The following PTPRR variants were observed in gnomAD, a reference collection of about 807,000 sequenced individuals.
PTPRR encodes the protein receptor-type tyrosine-protein phosphatase R.
PTPRR carries 38 observed loss-of-function variants against 77.2 expected under a neutral mutation model. That is an observed-to-expected ratio of 0.49 (90% CI 0.38 to 0.65). The LOEUF (loss-of-function observed/expected upper bound fraction) is 0.65. Among genes scored for constraint, PTPRR ranks in the 30% least tolerant of loss-of-function variants. The pLI is 0.00. For missense variants in PTPRR, 744 were observed against 799.2 expected (o/e 0.93, Z 0.83); for synonymous variants, 299 against 283.1 (o/e 1.06, Z -0.57).
At chr12:70,853,842 G>C (rs1017478354) in intron 2 of PTPRR, among the ~76,000 whole-genome samples, 1 of 152,200 alleles carries the variant, frequency 6.6e-6, no homozygotes, top group South Asian at 2.1e-4. Flanking sequence ...AGATCAATAA[G>C]TGGGAAAGAT....
intron 2 of PTPRR, among the ~76,000 whole-genome samples, chr12:70,846,423 A>G (rs747176133): frequency 6.6e-6 from 1 of 152,158 alleles, no homozygotes; most frequent in South Asian, 2.1e-4. Context: ...ATGGGTAGGC[A>G]CTTAAGACTC....
Position 70,798,888 on chromosome 12 carries a change from T to G in PTPRR, c.358-34110A>C, listed in dbSNP as rs531546581. On this transcript the variant is annotated intron_variant, in intron 2 of 13. Coordinates refer to ENST00000283228, the MANE Select transcript of PTPRR (RefSeq NM_002849.4). ...TCTTTGAGGAGTAAGCCACTTTGCC[T>G]TGTTTAACCCAGTACCTATCCTAGT... is the stretch of plus-strand genomic sequence containing the variant. Among the ~76,000 whole-genome samples the G allele has an allele frequency of 8.5e-4, 129 of 152,274 alleles. 1 individual carries two copies. Among genetic ancestry groups the G allele is most frequent in the African/African-American group, 3.0e-3 (125 of 41,556 alleles).
At chr12:70,867,248 T>C (rs1241084238) in intron 2 of PTPRR, among the ~76,000 whole-genome samples, 1 of 152,040 alleles carries the variant, frequency 6.6e-6, no homozygotes, top group Non-Finnish European at 1.5e-5. Context: ...GGAAGTCAAA[T>C]TGTCCCTGTT....
At chr12:70,844,008 G>T (rs1179618620) in intron 2 of PTPRR, among the ~76,000 whole-genome samples, 2 of 151,672 alleles carry the variant, frequency 1.3e-5, no homozygotes, top group African/African-American at 2.4e-5. Context: ...TAGAGGCAGG[G>T]TTTCATCATG....
At chr12:70,739,387 C>T (rs1055460023) in intron 6 of PTPRR, among the ~76,000 whole-genome samples, 1 of 152,162 alleles carries the variant, frequency 6.6e-6, no homozygotes, top group Non-Finnish European at 1.5e-5. Context: ...CGTTGAGCCA[C>T]TTATTTAATA....
At chr12:70,782,848 CAAAT>C (rs1366097147) in intron 2 of PTPRR, among the ~76,000 whole-genome samples, 3 of 151,960 alleles carry the variant, frequency 2.0e-5, no homozygotes, top group African/African-American at 4.8e-5. Context: ...AAAAAATAAA[CAAAT>C]AAAAAACTAC....
chr12:70,669,828 G>C (rs1208293198), intron 10 of PTPRR, among the ~76,000 whole-genome samples: 1 of 152,010 alleles, frequency 6.6e-6, no homozygotes, highest in Non-Finnish European at 1.5e-5. Context: ...TCGAATTCCT[G>C]GCCACAAGTG....
At chr12:70,822,129 G>C (rs1408227586) in intron 2 of PTPRR, among the ~76,000 whole-genome samples, 2 of 152,172 alleles carry the variant, frequency 1.3e-5, no homozygotes, top group Non-Finnish European at 2.9e-5. Context: ...ACAAGGCATG[G>C]TGTTGGATGT....
At chr12:70,662,199 T>C (rs372207513) in intron 11 of PTPRR, among the ~76,000 whole-genome samples, 83 of 152,266 alleles carry the variant, frequency 5.5e-4, no homozygotes, top group African/African-American at 1.9e-3. Context: ...AGCACAGCCT[T>C]TAGTTAAAAG....
intron 6 of PTPRR, among the ~76,000 whole-genome samples, chr12:70,716,422 A>T (rs1889034160): frequency 6.6e-6 from 1 of 152,064 alleles, no homozygotes; most frequent in Non-Finnish European, 1.5e-5. Context: ...TATTATGCAA[A>T]TTATGAAATA....
At chr12:70,697,512 T>A (rs1337287939) in intron 8 of PTPRR, among the ~76,000 whole-genome samples, 4 of 152,184 alleles carry the variant, frequency 2.6e-5, no homozygotes, top group Non-Finnish European at 5.9e-5. Flanking sequence ...ATTCTATGAG[T>A]TGTCTTTTCA....
intron 1 of PTPRR, among the ~76,000 whole-genome samples, chr12:70,910,879 C>G (rs569833706): frequency 1.3e-5 from 2 of 152,276 alleles, no homozygotes; most frequent in East Asian, 3.9e-4. Context: ...CCAGATGTGT[C>G]TCTGGATTTG....
intron 2 of PTPRR, among the ~76,000 whole-genome samples, chr12:70,822,391 A>C (rs990404688): frequency 5.9e-5 from 9 of 152,202 alleles, no homozygotes; most frequent in African/African-American, 2.2e-4. Flanking sequence ...CCAGAGGAAG[A>C]CAGTGGAAAT....
At chr12:70,703,207 T>C (rs941487611) in intron 6 of PTPRR, among the ~76,000 whole-genome samples, 1 of 152,170 alleles carries the variant, frequency 6.6e-6, no homozygotes, top group Non-Finnish European at 1.5e-5. Context: ...CAATATTACT[T>C]TCTTTCCTGT....
Position 70,811,258 on chromosome 12 carries a change from A to G in PTPRR, c.358-46480T>C, listed in dbSNP as rs538654519. Among the ~76,000 whole-genome samples, 12 of 152,306 alleles carry G rather than the reference A, an allele frequency of 7.9e-5. No individual in the cohort carries two copies. The East Asian group carries it at 2.3e-3, about 29-fold the overall frequency. ...ATTATGAACTGACAGGTGCCTACAA[A>G]ATATGACATTCTCATCTACATTTTA... On this transcript the variant is annotated intron_variant, in intron 2 of 13. Transcript: ENST00000283228.
intron 1 of PTPRR, among the ~76,000 whole-genome samples, chr12:70,894,742 C>T (rs916693003): frequency 5.3e-5 from 8 of 151,648 alleles, no homozygotes; most frequent in Non-Finnish European, 7.4e-5. Flanking sequence ...CATTATACTA[C>T]ATATGTTCTT....
At chr12:70,770,056 C>A (rs1890932667) in intron 2 of PTPRR, among the ~76,000 whole-genome samples, 2 of 151,634 alleles carry the variant, frequency 1.3e-5, no homozygotes, top group Admixed American at 1.3e-4. Context: ...CATAAAAACC[C>A]TAGAAGAAAA....
At chr12:70,689,903 G>C (rs539538666) in intron 8 of PTPRR, among the ~76,000 whole-genome samples, 43 of 152,302 alleles carry the variant, frequency 2.8e-4, no homozygotes, top group African/African-American at 1.0e-3. Flanking sequence ...CTGAGAACTT[G>C]GTAGGATGCA....
chr12:70,872,897 T>C (rs1892986378), intron 2 of PTPRR, among the ~76,000 whole-genome samples: 1 of 152,082 alleles, frequency 6.6e-6, no homozygotes, highest in African/African-American at 2.4e-5. Context: ...AATATAACAA[T>C]GAACTTTAAA....
Sources: allele counts gnomAD v4.1 joint callset (sites outside exome capture counted in the v4.1 genomes callset), GRCh38; gene constraint gnomAD v4.1.1; transcripts MANE v1.5; gene names NCBI Gene and HGNC (gene_info 2026-07-23, HGNC 2026-07-21).